THSD1: variants seen among roughly 807,000 people sequenced by gnomAD.
The protein encoded by THSD1 is thrombospondin type 1 domain containing 1, also known as thrombospondin type-1 domain-containing protein 1.
A neutral mutation model predicts 46.3 loss-of-function variants in THSD1; 34 were observed. That is an observed-to-expected ratio of 0.74 (90% CI 0.56 to 0.98). The LOEUF is 0.98. Ranked by LOEUF, THSD1 falls within the 50% of genes least tolerant of loss-of-function variation. The pLI, the probability that THSD1 is intolerant of heterozygous loss-of-function variation, is 0.00. For missense variants in THSD1, 1,023 were observed against 1,058.3 expected (o/e 0.97, Z 0.46); for synonymous variants, 407 against 416.5 (o/e 0.98, Z 0.28).
At chr13:52,395,129 G>C (rs1054645503) in intron 3 of THSD1, among the ~76,000 whole-genome samples, 1 of 152,222 alleles carries the variant, frequency 6.6e-6, no homozygotes, top group Non-Finnish European at 1.5e-5. Context: ...CTCATGCCTA[G>C]TGAAATGACA....
intron 3 of THSD1, among the ~76,000 whole-genome samples, chr13:52,394,280 A>G (rs981941885): frequency 2.0e-5 from 3 of 152,218 alleles, no homozygotes; most frequent in Non-Finnish European, 4.4e-5. Flanking sequence ...TGCTAAGTTC[A>G]GTCAGTTTTT....
intron 4 of THSD1, among the ~76,000 whole-genome samples, chr13:52,380,969 C>T (rs1325972773): frequency 6.6e-6 from 1 of 152,124 alleles, no homozygotes; most frequent in East Asian, 1.9e-4. Context: ...GAGCTAGGAC[C>T]ATCCAGGTGG....
At chr13:52,394,481 G>A (rs1957797661) in intron 3 of THSD1, among the ~76,000 whole-genome samples, 1 of 152,050 alleles carries the variant, frequency 6.6e-6, no homozygotes, top group Non-Finnish European at 1.5e-5. Flanking sequence ...AGGCATGGTG[G>A]GGCGCATCTA....
At chr13:52,390,870 T>C (rs1292780500) in intron 3 of THSD1, among the ~76,000 whole-genome samples, 1 of 152,120 alleles carries the variant, frequency 6.6e-6, no homozygotes, top group East Asian at 1.9e-4. Context: ...AAGTCATTTG[T>C]CAAACTAAAA....
intron 3 of THSD1, among the ~76,000 whole-genome samples, chr13:52,386,769 TC>T (rs1393235378): frequency 6.6e-6 from 1 of 152,160 alleles, no homozygotes; most frequent in Non-Finnish European, 1.5e-5. Flanking sequence ...ACCTCACCTG[TC>T]CTCTCTCCAT....
At chr13:52,401,415 T>C (rs1366628826) in intron 2 of THSD1, among the ~76,000 whole-genome samples, 2 of 152,068 alleles carry the variant, frequency 1.3e-5, no homozygotes, top group Non-Finnish European at 2.9e-5. Flanking sequence ...TTCCCTGCCT[T>C]AGCCTTCCGG....
At chr13:52,380,941 G>C (rs1164392692) in intron 4 of THSD1, among the ~76,000 whole-genome samples, 2 of 152,000 alleles carry the variant, frequency 1.3e-5, no homozygotes, top group Non-Finnish European at 2.9e-5. Flanking sequence ...CTGGGTCCCA[G>C]CCTCCCTCAC....
At chr13:52,387,994 G>A (rs1262432454) in intron 3 of THSD1, among the ~76,000 whole-genome samples, 1 of 151,964 alleles carries the variant, frequency 6.6e-6, no homozygotes, top group Non-Finnish European at 1.5e-5. Flanking sequence ...AAGCAATACT[G>A]TACCCAAACT....
intron 3 of THSD1, among the ~76,000 whole-genome samples, chr13:52,390,353 C>T (rs924625883): frequency 2.6e-5 from 4 of 151,872 alleles, no homozygotes; most frequent in Non-Finnish European, 4.4e-5. Context: ...CTCAGGTGAG[C>T]CAAGTGGTGC....
intron 4 of THSD1, among the ~76,000 whole-genome samples, chr13:52,380,867 G>A (rs778735571): frequency 5.3e-5 from 8 of 151,784 alleles, no homozygotes; most frequent in Non-Finnish European, 1.0e-4. Context: ...GCCAACCACC[G>A]TTCTACTCCT....
intron 1 of THSD1, among the ~76,000 whole-genome samples, chr13:52,403,857 G>A (rs906091332): frequency 1.3e-5 from 2 of 150,608 alleles, no homozygotes; most frequent in African/African-American, 2.4e-5. Context: ...TTTCATACTA[G>A]AGTCTAGCAA....
chr13:52,393,241 A>G (rs1957786181), intron 3 of THSD1, among the ~76,000 whole-genome samples: 1 of 152,240 alleles, frequency 6.6e-6, no homozygotes, highest in Admixed American at 6.5e-5. Context: ...ACTTGTTATG[A>G]GGACTATATG....
intron 1 of THSD1, chr13:52,403,062 T>G: frequency 1.6e-6 from 1 of 609,438 alleles, no homozygotes; most frequent in Non-Finnish European, 2.1e-6. Context: ...ACTGATCAAT[T>G]TACTAAATTT....
At chr13:52,399,415 G>C (rs540141810) in intron 2 of THSD1, among the ~76,000 whole-genome samples, 20 of 152,266 alleles carry the variant, frequency 1.3e-4, no homozygotes, top group Middle Eastern at 3.4e-3. Context: ...AAAACAACTT[G>C]TGGAAGTATG....
chr13:52,390,294 A>G (rs1396484080), intron 3 of THSD1, among the ~76,000 whole-genome samples: 1 of 152,224 alleles, frequency 6.6e-6, no homozygotes, highest in Non-Finnish European at 1.5e-5. Flanking sequence ...AATGCAGCCA[A>G]AGGTATACAA....
At chr13:52,385,700 C>CA (rs112762703) in intron 4 of THSD1, among the ~76,000 whole-genome samples, 92,488 of 151,792 alleles carry the variant, frequency 0.61, 28,821 homozygotes, top group Middle Eastern at 0.72. Flanking sequence ...GGAGAAAAAA[C>CA]AAAAAAATCT....
At chr13:52,403,102 T>C (rs1299322930) in intron 1 of THSD1, among the ~76,000 whole-genome samples, 2 of 152,260 alleles carry the variant, frequency 1.3e-5, no homozygotes, top group Non-Finnish European at 2.9e-5. Context: ...CATTGTGCTG[T>C]GTATACCCAA....
chr13:52,397,978 T>C lies in THSD1; in HGVS notation c.275A>G (p.Tyr92Cys), dbSNP rs373901957. 6.2e-7 allele frequency: 1 copy of C among 1,614,236 alleles called. No individual in the cohort carries two copies. Among genetic ancestry groups the C allele is most frequent in the Non-Finnish European group, 8.5e-7 (1 of 1,180,040 alleles). ...CCAGTAGTCACCAGCCTCCTTGAAA[T>C]AGAAGCACTCAAACTTTAGTGTTCC... ...SQGTLKFECF[Y>C]FKEAGDYWFT... Residue 92 changes from tyrosine (Y) to cysteine (C), a missense_variant, in exon 3 of 5, where the codon TAT becomes TGT. Tyr to Cys is a radical substitution (Grantham distance 194, BLOSUM62 -2). Around this residue, in one of 3 missense-constraint regions of THSD1, gnomAD observed 429 missense variants for 518.3 expected, o/e 0.83. Transcript: ENST00000258613.
intron 3 of THSD1, among the ~76,000 whole-genome samples, chr13:52,396,774 T>C (rs1429142523): frequency 2.0e-5 from 3 of 152,208 alleles, no homozygotes; most frequent in Non-Finnish European, 2.9e-5. Context: ...CCCATTCCTA[T>C]AATGAATGAC....
Sources: allele counts gnomAD v4.1 joint callset (sites outside exome capture counted in the v4.1 genomes callset), GRCh38; gene constraint gnomAD v4.1.1; regional missense constraint gnomAD v4.1.1; transcripts MANE v1.5; gene names NCBI Gene and HGNC (gene_info 2026-07-23, HGNC 2026-07-21).